MSH3: variants seen among roughly 807,000 people sequenced by gnomAD.
MSH3 encodes the protein mutS homolog 3, also known as DNA mismatch repair protein Msh3.
Under a neutral mutation model 123.3 loss-of-function variants are expected in MSH3, and 106 were observed. That is an observed-to-expected ratio of 0.86 (90% CI 0.73 to 1.01). The LOEUF is 1.01. MSH3 is among the 50% of genes least tolerant of loss of function. The probability of loss-of-function intolerance (pLI) is 0.00; values close to 1 mark genes in which losing one functional copy is unlikely to be tolerated. For missense variants in MSH3, 1,459 were observed against 1,347.6 expected (o/e 1.08, Z -1.29); for synonymous variants, 515 against 481.4 (o/e 1.07, Z -0.91).
At chr5:80,748,036 T>C (rs1743753129) in intron 12 of MSH3, among the ~76,000 whole-genome samples, 1 of 152,192 alleles carries the variant, frequency 6.6e-6, no homozygotes, top group South Asian at 2.1e-4. Context: ...ATATTCTGTC[T>C]CTGACATTGA....
intron 1 of MSH3, among the ~76,000 whole-genome samples, chr5:80,656,168 G>A (rs2112801183): frequency 2.0e-5 from 3 of 152,278 alleles, no homozygotes. Flanking sequence ...AGCAGCCTTG[G>A]TTTCAATTAA....
intron 20 of MSH3, among the ~76,000 whole-genome samples, chr5:80,832,941 G>A (rs1048860142): frequency 2.0e-5 from 3 of 151,998 alleles, no homozygotes; most frequent in African/African-American, 7.3e-5. Context: ...GATTTGAAGG[G>A]ACAGAAGCCC....
intron 10 of MSH3, among the ~76,000 whole-genome samples, chr5:80,736,489 T>A (rs1418708112): frequency 7.2e-5 from 11 of 152,158 alleles, no homozygotes. Flanking sequence ...AAAATTAACA[T>A]AGCAGGCCTA....
chr5:80,780,517 GC>G (rs1744391229), intron 17 of MSH3, among the ~76,000 whole-genome samples: 1 of 152,308 alleles, frequency 6.6e-6, no homozygotes, highest in South Asian at 2.1e-4. Flanking sequence ...TTGCCAGCCT[GC>G]CCATGGTGAG....
At chr5:80,813,049 G>A (rs1387224250) in intron 19 of MSH3, among the ~76,000 whole-genome samples, 2 of 152,220 alleles carry the variant, frequency 1.3e-5, no homozygotes, top group African/African-American at 2.4e-5. Context: ...TGTTGCAAGA[G>A]TTACAATTCT....
intron 20 of MSH3, 76 bp downstream of exon 20, chr5:80,813,817 G>T: frequency 6.6e-7 from 1 of 1,507,984 alleles, no homozygotes; most frequent in Non-Finnish European, 9.2e-7. Context: ...TTTTCCTTTT[G>T]TGTACATATT....
chr5:80,850,581 G>A (rs867268208), intron 20 of MSH3, among the ~76,000 whole-genome samples: 12 of 152,214 alleles, frequency 7.9e-5, no homozygotes, highest in African/African-American at 2.4e-4. Context: ...GGAAACTCCC[G>A]TTTTTAAAAC....
At chr5:80,844,909 T>G (rs1448872959) in intron 20 of MSH3, among the ~76,000 whole-genome samples, 1 of 152,238 alleles carries the variant, frequency 6.6e-6, no homozygotes, top group African/African-American at 2.4e-5. Flanking sequence ...CATTTAAGGT[T>G]AATATTGTTA....
At chr5:80,751,128 T>A (rs1456244374) in intron 12 of MSH3, among the ~76,000 whole-genome samples, 15 of 152,144 alleles carry the variant, frequency 9.9e-5, no homozygotes, top group Non-Finnish European at 2.1e-4. Context: ...TTTCAAAAAA[T>A]TTTGGCACCA....
chr5:80,656,542 G>A lies in MSH3; in HGVS notation c.358+11G>A, dbSNP rs200068555. 6.2e-7 allele frequency: 1 copy of A among 1,614,016 alleles called. No homozygotes were observed. Among genetic ancestry groups the A allele is most frequent in the East Asian group, 2.2e-5 (1 of 44,868 alleles). On this transcript the variant is annotated intron_variant, in intron 2 of 23. Coordinates refer to ENST00000265081, the MANE Select transcript of MSH3 (RefSeq NM_002439.5). The stretch of plus-strand genomic sequence containing the variant: ...TGTCTGGCAACTCTGGTGAGTTGTG[G>A]GGGATTCTTTTTTCTCCTCAGTCAT...
chr5:80,788,229 ATC>A (rs1744547802), intron 18 of MSH3, among the ~76,000 whole-genome samples: 1 of 152,142 alleles, frequency 6.6e-6, no homozygotes, highest in African/African-American at 2.4e-5. Flanking sequence ...AGGTTAAGGC[ATC>A]GAGACCATCC....
intron 7 of MSH3, among the ~76,000 whole-genome samples, chr5:80,677,376 T>C (rs6151661): frequency 0.34 from 51,058 of 152,098 alleles, 8,675 homozygotes; most frequent in Non-Finnish European, 0.37. Flanking sequence ...ATTGTGGGTA[T>C]TACAGTGTAG....
intron 8 of MSH3, among the ~76,000 whole-genome samples, chr5:80,723,941 T>G (rs896123816): frequency 2.0e-5 from 3 of 151,976 alleles, no homozygotes; most frequent in African/African-American, 7.2e-5. Flanking sequence ...TTTTGTATTT[T>G]TTGTAGAGAG....
intron 15 of MSH3, 40 bp from the exon 16 acceptor site, chr5:80,775,654 G>T: frequency 8.8e-7 from 1 of 1,139,574 alleles, no homozygotes; most frequent in Non-Finnish European, 1.3e-6. Context: ...ATATATAATG[G>T]TTACTTATCT....
At chr5:80,744,450 C>G (rs1743677724) in intron 11 of MSH3, 56 bp from the exon 12 acceptor site, 1 of 1,267,960 alleles carries the variant, frequency 7.9e-7, no homozygotes, top group South Asian at 1.2e-5. Flanking sequence ...TATGAAATAA[C>G]AATTTGGCAC....
chr5:80,729,789 A>G (rs1743379108), intron 10 of MSH3, among the ~76,000 whole-genome samples: 1 of 152,184 alleles, frequency 6.6e-6, no homozygotes, highest in African/African-American at 2.4e-5. Context: ...AAAAAGTAGT[A>G]GGGTACTTTC....
chr5:80,782,571 A>G (rs1270795381), intron 17 of MSH3, among the ~76,000 whole-genome samples: 4 of 152,194 alleles, frequency 2.6e-5, no homozygotes, highest in East Asian at 1.9e-4. Context: ...CCAATCCCCT[A>G]TGGATACTGA....
intron 19 of MSH3, among the ~76,000 whole-genome samples, chr5:80,805,436 G>C (rs2112042463): frequency 6.6e-6 from 1 of 152,146 alleles, no homozygotes; most frequent in East Asian, 1.9e-4. Flanking sequence ...ATATACATTA[G>C]AATTTATTCA....
At chr5:80,693,100 C>T in intron 8 of MSH3, among the ~76,000 whole-genome samples, 1 of 125,534 alleles carries the variant, frequency 8.0e-6, no homozygotes, top group Non-Finnish European at 1.7e-5. Flanking sequence ...GATAAATATA[C>T]ATGCACATGT....
Sources: gnomAD v4.1 joint callset for allele counts (sites outside exome capture counted in the v4.1 genomes callset) on GRCh38, gnomAD v4.1.1 for gene constraint, MANE v1.5 for transcripts, NCBI Gene and HGNC (gene_info 2026-07-23, HGNC 2026-07-21) for gene names.